The following ZUP1 variants were observed in gnomAD, a reference collection of about 807,000 sequenced individuals.
ZUP1 encodes zinc finger-containing ubiquitin peptidase 1.
Under a neutral mutation model 68.1 loss-of-function variants are expected in ZUP1, and 55 were observed. That is an observed-to-expected ratio of 0.81 (90% CI 0.65 to 1.01). The LOEUF (loss-of-function observed/expected upper bound fraction) is 1.01, where lower values mean the gene tolerates loss of function less well. ZUP1 is among the 50% of genes least tolerant of loss of function. The probability of loss-of-function intolerance (pLI) is 0.00; values close to 1 mark genes in which losing one functional copy is unlikely to be tolerated. For missense variants in ZUP1, 684 were observed against 674.9 expected (o/e 1.01, Z -0.15); for synonymous variants, 223 against 221.5 (o/e 1.01, Z -0.06).
At chr6:116,667,285 T>G in intron 1 of ZUP1, 78 bp from the exon 2 acceptor site, 1 of 1,002,110 alleles carries the variant, frequency 1.0e-6, no homozygotes, top group Non-Finnish European at 1.4e-6. Flanking sequence ...GACAATTACT[T>G]GGTCTTTAAC....
At chr6:116,663,729 A>C (rs1776911789) in intron 2 of ZUP1, among the ~76,000 whole-genome samples, 1 of 151,998 alleles carries the variant, frequency 6.6e-6, no homozygotes, top group Admixed American at 6.6e-5. Context: ...CTGCTTGAGC[A>C]CAGGAGTTCA....
intron 4 of ZUP1, among the ~76,000 whole-genome samples, chr6:116,658,210 T>C (rs1031735348): frequency 4.6e-5 from 7 of 152,198 alleles, no homozygotes; most frequent in Admixed American, 3.9e-4. Flanking sequence ...ATTAAAATTT[T>C]AAATGCATTA....
intron 9 of ZUP1, among the ~76,000 whole-genome samples, chr6:116,644,695 G>A (rs569494518): frequency 1.3e-5 from 2 of 151,810 alleles, no homozygotes; most frequent in Non-Finnish European, 2.9e-5. Context: ...GTTGTGGGGT[G>A]GGGGGAGTGG....
intron 9 of ZUP1, among the ~76,000 whole-genome samples, chr6:116,644,365 T>C (rs972128634): frequency 4.6e-5 from 7 of 152,288 alleles, no homozygotes; most frequent in African/African-American, 1.7e-4. Context: ...CTATAAATCA[T>C]GCTGCTATAA....
chr6:116,651,910 C>T, intron 6 of ZUP1, 94 bp downstream of exon 6: 2 of 1,428,676 alleles, frequency 1.4e-6, no homozygotes, highest in Non-Finnish European at 1.9e-6. Flanking sequence ...TAAATATCCA[C>T]TAACTGTTAA....
Position 116,645,734 on chromosome 6 carries a change from G to A in ZUP1, c.1669C>T (p.Leu557Phe), listed in dbSNP as rs767747432. 2 of 1,611,812 alleles carry A rather than the reference G, an allele frequency of 1.2e-6. No individual in the cohort carries two copies. Among genetic ancestry groups the A allele is most frequent in the Non-Finnish European group, 1.7e-6 (2 of 1,179,436 alleles). The change falls in exon 9 of 10, where the codon CTT becomes TTT. Residue 557 changes from leucine (L) to phenylalanine (F), a missense_variant. Leu to Phe is a conservative substitution (Grantham distance 22). Transcript: ENST00000368576. Reference sequence around the variant, plus strand: ...CTTACAAGTTTCTCCTCTAGAGAAAGAGCACCCTCTACTGCCAATATCTGG... The same window carrying A: ...CTTACAAGTTTCTCCTCTAGAGAAAAAGCACCCTCTACTGCCAATATCTGG... ...QYQILAVEGALSLEEKLARRQ... is the reference protein window; with the variant it reads ...QYQILAVEGAFSLEEKLARRQ...
intron 2 of ZUP1, 56 bp downstream of exon 2, chr6:116,666,577 AC>A: frequency 1.4e-6 from 2 of 1,423,836 alleles, no homozygotes; most frequent in Middle Eastern, 4.2e-4. Context: ...CTTTTAAAAT[AC>A]CACATATTAA....
chr6:116,656,167 C>T (rs955951476), intron 5 of ZUP1, among the ~76,000 whole-genome samples: 4 of 152,052 alleles, frequency 2.6e-5, no homozygotes, highest in Non-Finnish European at 5.9e-5. Flanking sequence ...GCAACCTCCG[C>T]CTCCCGGGTT....
At chr6:116,646,042 AGT>A in intron 8 of ZUP1, 108 bp from the exon 9 acceptor site, 4 of 734,156 alleles carry the variant, frequency 5.4e-6, no homozygotes, top group Non-Finnish European at 6.4e-6. Flanking sequence ...ATATAAATAC[AGT>A]CAGACTCTGA....
intron 8 of ZUP1, 136 bp downstream of exon 8, chr6:116,647,323 C>T (rs1776340667): frequency 4.5e-6 from 3 of 667,552 alleles, no homozygotes; most frequent in East Asian, 6.7e-5. Flanking sequence ...TGCACCACTG[C>T]ACTCCAGCCT....
intron 2 of ZUP1, among the ~76,000 whole-genome samples, chr6:116,664,168 C>G (rs538900850): frequency 6.6e-6 from 1 of 152,272 alleles, no homozygotes; most frequent in Admixed American, 6.5e-5. Context: ...CGGTGGCTTA[C>G]GCCTGTAATC....
chr6:116,639,360 G>C (rs577815074), intron 9 of ZUP1, among the ~76,000 whole-genome samples: 1 of 152,350 alleles, frequency 6.6e-6, no homozygotes, highest in South Asian at 2.1e-4. Flanking sequence ...CACAGCTGGA[G>C]ATCTGAGAAT....
At chr6:116,664,828 A>G (rs1246847836) in intron 2 of ZUP1, among the ~76,000 whole-genome samples, 2 of 152,026 alleles carry the variant, frequency 1.3e-5, no homozygotes, top group South Asian at 4.1e-4. Flanking sequence ...ACAGGGAAAA[A>G]CTAAAAATTA....
At chr6:116,664,637 T>C (rs2114294858) in intron 2 of ZUP1, among the ~76,000 whole-genome samples, 1 of 152,236 alleles carries the variant, frequency 6.6e-6, no homozygotes, top group East Asian at 1.9e-4. Flanking sequence ...GGAAAAACTG[T>C]CCTATCTGAT....
intron 2 of ZUP1, among the ~76,000 whole-genome samples, chr6:116,664,685 G>T (rs968519103): frequency 6.6e-6 from 1 of 152,110 alleles, no homozygotes; most frequent in African/African-American, 2.4e-5. Flanking sequence ...TAAAGTGGTG[G>T]TGTAATAAGG....
chr6:116,664,441 A>AAC (rs1168020669), intron 2 of ZUP1, among the ~76,000 whole-genome samples: 2 of 151,680 alleles, frequency 1.3e-5, no homozygotes, highest in African/African-American at 2.4e-5. Flanking sequence ...AAAAAAAAAA[A>AAC]ACACACACAC....
At chr6:116,642,388 G>A (rs1322394063) in intron 9 of ZUP1, among the ~76,000 whole-genome samples, 1 of 151,906 alleles carries the variant, frequency 6.6e-6, no homozygotes, top group Non-Finnish European at 1.5e-5. Context: ...AACCAAAAAA[G>A]AGAATTTTAG....
chr6:116,652,262 T>A (rs1184893679), intron 5 of ZUP1, 70 bp from the exon 6 acceptor site: 1 of 1,231,210 alleles, frequency 8.1e-7, no homozygotes, highest in Non-Finnish European at 1.1e-6. Context: ...ATTTTTAATA[T>A]CAACCTCTCC....
In ZUP1 at chr6:116,653,826, G is replaced by A. The variant is rs116673263; in HGVS notation, c.962-1634C>T. ...CATTCTAGTACATTTTAGTATATAT[G>A]TTACATATCAGATGGAGAGCAACAC... is the stretch of plus-strand genomic sequence containing the variant. On this transcript the variant is annotated intron_variant, in intron 5 of 9. Coordinates refer to ENST00000368576, the MANE Select transcript of ZUP1 (RefSeq NM_145062.3). 6.8e-3 allele frequency among the ~76,000 whole-genome samples: 1,029 copies of A among 152,024 alleles called. 15 individuals carry two copies. Among genetic ancestry groups the A allele is most frequent in the African/African-American group, 0.024 (979 of 41,538 alleles).
Sources: gnomAD v4.1 joint callset for allele counts (sites outside exome capture counted in the v4.1 genomes callset) on GRCh38, gnomAD v4.1.1 for gene constraint, MANE v1.5 for transcripts, NCBI Gene and HGNC (gene_info 2026-07-23, HGNC 2026-07-21) for gene names.